The following CCDC6 variants were observed in gnomAD, a reference collection of about 807,000 sequenced individuals.
CCDC6 encodes coiled-coil domain containing 6, also known as coiled-coil domain-containing protein 6.
A neutral mutation model predicts 56.6 loss-of-function variants in CCDC6; 20 were observed. That is an observed-to-expected ratio of 0.35 (90% CI 0.25 to 0.51). The LOEUF is 0.51. Ranked by LOEUF, CCDC6 falls within the 20% of genes least tolerant of loss-of-function variation. CCDC6 has a pLI of 0.95. For missense variants in CCDC6, 367 were observed against 601.1 expected (o/e 0.61, Z 4.07); for synonymous variants, 241 against 234.4 (o/e 1.03, Z -0.26).
At chr10:59,796,485 A>G (rs544828913) in intron 7 of CCDC6, among the ~76,000 whole-genome samples, 15 of 152,246 alleles carry the variant, frequency 9.9e-5, no homozygotes, top group African/African-American at 3.6e-4. Context: ...ATCCTTATAC[A>G]CTGTTGGTAG....
chr10:59,798,061 A>G (rs1388624866), intron 7 of CCDC6, among the ~76,000 whole-genome samples: 1 of 152,214 alleles, frequency 6.6e-6, no homozygotes, highest in Non-Finnish European at 1.5e-5. Flanking sequence ...TACTTGTTTT[A>G]TCACTGCACA....
chr10:59,814,653 G>A lies in CCDC6; in HGVS notation c.685C>T (p.Arg229Ter), dbSNP rs746439006. Reference sequence around the variant, plus strand: ...ACTGAACAGCAAGACTAAACAAACCGCTTTTCAGCTTCAAGCTTATCCATC... The same window carrying A: ...ACTGAACAGCAAGACTAAACAAACCACTTTTCAGCTTCAAGCTTATCCATC... ...KRMDKLEAEK[R>*]ILQEKLDQPV... Residue 229 changes from arginine to a stop codon, truncating the protein, a stop_gained and splice_region_variant, in exon 4 of 9, where the codon CGA becomes TGA. Coordinates refer to ENST00000263102, the MANE Select transcript of CCDC6 (RefSeq NM_005436.5). LOFTEE classifies it high-confidence loss of function. 6.2e-7 allele frequency: 1 copy of A among 1,600,542 alleles called. No individual in the cohort carries two copies. The highest frequency in any genetic ancestry group is 8.6e-7 in the Non-Finnish European group (1 of 1,168,114).
At chr10:59,892,131 C>T (rs2071426529) in intron 1 of CCDC6, among the ~76,000 whole-genome samples, 1 of 152,324 alleles carries the variant, frequency 6.6e-6, no homozygotes, top group South Asian at 2.1e-4. Flanking sequence ...GGCACTAGGG[C>T]GTTGCCCATC....
chr10:59,881,553 C>A (rs1050706823), intron 1 of CCDC6, among the ~76,000 whole-genome samples: 3 of 152,096 alleles, frequency 2.0e-5, no homozygotes, highest in African/African-American at 7.2e-5. Flanking sequence ...TTCTAAAATT[C>A]ACTGGGGGGT....
chr10:59,812,803 G>T lies in CCDC6; in HGVS notation c.687-8C>A. 1 of 1,576,386 alleles carries T rather than the reference G, an allele frequency of 6.3e-7. No individual in the cohort carries two copies. The highest frequency in any genetic ancestry group is 1.2e-5 in the South Asian group (1 of 84,824). Reference sequence around the variant, plus strand: ...AATTTTTCCTGCAGGATTCTTCATTGAAAAGAAAAATTCCAACAATGACTA... The same window carrying T: ...AATTTTTCCTGCAGGATTCTTCATTTAAAAGAAAAATTCCAACAATGACTA... On this transcript the variant is annotated splice_polypyrimidine_tract_variant and splice_region_variant and intron_variant, in intron 4 of 8. Coordinates refer to ENST00000263102, the MANE Select transcript of CCDC6 (RefSeq NM_005436.5).
At chr10:59,821,550 T>A (rs973121850) in intron 3 of CCDC6, among the ~76,000 whole-genome samples, 2 of 152,168 alleles carry the variant, frequency 1.3e-5, no homozygotes, top group Admixed American at 1.3e-4. Context: ...CCACAGAGTA[T>A]CCCCAGGTGT....
At chr10:59,810,364 A>G (rs1398788937) in intron 5 of CCDC6, among the ~76,000 whole-genome samples, 1 of 152,182 alleles carries the variant, frequency 6.6e-6, no homozygotes, top group Non-Finnish European at 1.5e-5. Flanking sequence ...AGCACTTACA[A>G]ATGCCTCTGT....
chr10:59,875,174 C>A (rs890216407), intron 1 of CCDC6, among the ~76,000 whole-genome samples: 1 of 152,164 alleles, frequency 6.6e-6, no homozygotes, highest in African/African-American at 2.4e-5. Flanking sequence ...TCACACCAAC[C>A]CTCAGATATG....
intron 2 of CCDC6, among the ~76,000 whole-genome samples, chr10:59,843,118 C>A (rs1196542116): frequency 6.6e-6 from 1 of 152,172 alleles, no homozygotes; most frequent in Non-Finnish European, 1.5e-5. Flanking sequence ...GATCTCCTGA[C>A]CTCGTGATCT....
chr10:59,842,170 T>G (rs2132650017), intron 2 of CCDC6, among the ~76,000 whole-genome samples: 1 of 152,074 alleles, frequency 6.6e-6, no homozygotes, highest in East Asian at 1.9e-4. Flanking sequence ...GCATCCCGAG[T>G]AGCTGGGACT....
At chr10:59,804,769 G>C (rs2070606377) in intron 6 of CCDC6, 1 of 429,318 alleles carries the variant, frequency 2.3e-6, no homozygotes, top group Non-Finnish European at 4.3e-6. Context: ...GAAGCCAGGT[G>C]AAAGAGGTGC....
chr10:59,872,294 G>C (rs971222990), intron 1 of CCDC6, among the ~76,000 whole-genome samples: 1 of 152,206 alleles, frequency 6.6e-6, no homozygotes, highest in Non-Finnish European at 1.5e-5. Flanking sequence ...GTCTGAGGCT[G>C]TGCTAGCTGG....
At chr10:59,847,057 AT>A (rs11415063) in intron 2 of CCDC6, among the ~76,000 whole-genome samples, 33 of 149,464 alleles carry the variant, frequency 2.2e-4, no homozygotes, top group East Asian at 5.9e-4. Context: ...GAATTAGAAA[AT>A]TTTTTTTTTT....
At chr10:59,865,541 T>C (rs760440708) in intron 1 of CCDC6, among the ~76,000 whole-genome samples, 35 of 152,208 alleles carry the variant, frequency 2.3e-4, no homozygotes, top group Admixed American at 7.2e-4. Flanking sequence ...GGTTGAATGA[T>C]TGTAAATTGA....
intron 3 of CCDC6, among the ~76,000 whole-genome samples, chr10:59,830,944 C>A (rs980735950): frequency 3.9e-5 from 6 of 152,204 alleles, no homozygotes; most frequent in African/African-American, 1.4e-4. Context: ...AAGGGCATGG[C>A]CAGGCAAAGC....
At chr10:59,823,706 T>C (rs1472962159) in intron 3 of CCDC6, among the ~76,000 whole-genome samples, 8 of 152,148 alleles carry the variant, frequency 5.3e-5, no homozygotes, top group Admixed American at 5.2e-4. Flanking sequence ...AAATCATTTC[T>C]TTCTTGTCAT....
intron 1 of CCDC6, among the ~76,000 whole-genome samples, chr10:59,892,687 ACTTTC>A (rs2307931): frequency 0.61 from 92,876 of 151,526 alleles, 28,967 homozygotes; most frequent in East Asian, 0.86. Flanking sequence ...TTACCCCAAA[ACTTTC>A]CTGTGTGTAT....
chr10:59,815,631 A>C (rs1443782790), intron 3 of CCDC6, among the ~76,000 whole-genome samples: 3 of 152,214 alleles, frequency 2.0e-5, no homozygotes, highest in Non-Finnish European at 4.4e-5. Context: ...GTTTCATAGC[A>C]ATGAGTAGAG....
intron 2 of CCDC6, among the ~76,000 whole-genome samples, chr10:59,850,796 T>C (rs1047022071): frequency 3.9e-5 from 6 of 152,176 alleles, no homozygotes; most frequent in African/African-American, 1.4e-4. Context: ...TAGAGGATGC[T>C]TGGAGCTTCA....
Sources: gnomAD v4.1 joint callset for allele counts (sites outside exome capture counted in the v4.1 genomes callset) on GRCh38, gnomAD v4.1.1 for gene constraint, MANE v1.5 for transcripts, NCBI Gene and HGNC (gene_info 2026-07-23, HGNC 2026-07-21) for gene names.